COL4A4: variants seen among roughly 807,000 people sequenced by gnomAD.
The protein encoded by COL4A4 is collagen alpha-4(IV) chain.
Under a neutral mutation model 192.9 loss-of-function variants are expected in COL4A4, and 105 were observed. The ratio of observed to expected loss-of-function variants is 0.54; its 90% CI spans 0.46 to 0.64. COL4A4 has a LOEUF of 0.64. Among genes scored for constraint, COL4A4 ranks in the 30% least tolerant of loss-of-function variants. The pLI is 0.00. For synonymous variants in COL4A4, 762 were observed against 769.9 expected, an observed-to-expected ratio of 0.99 and a Z score of 0.17; for missense variants, 1,967 against 2,169.3, an observed-to-expected ratio of 0.91 and a Z score of 1.85.
chr2:226,986,004 C>T, the COL4A4 span, among the ~76,000 whole-genome samples: 2 of 152,228 alleles, frequency 1.3e-5, no homozygotes, highest in Admixed American at 6.5e-5. Context: ...GTTAATGTCA[C>T]CAGTGATAAG....
At chr2:227,041,068 A>G (rs913757561) in intron 37 of COL4A4, among the ~76,000 whole-genome samples, 2 of 152,150 alleles carry the variant, frequency 1.3e-5, no homozygotes, top group African/African-American at 4.8e-5. Context: ...TCTTGATCGA[A>G]AAAAGATGAT....
In COL4A4 at chr2:227,043,169, GATGCTCCAAA is replaced by G; in HGVS notation, c.3295_3304del (p.Phe1099ProfsTer39). On this transcript the variant is annotated frameshift_variant, in exon 36 of 48. Coordinates refer to ENST00000396625, the MANE Select transcript of COL4A4 (RefSeq NM_000092.5). LOFTEE classifies it high-confidence loss of function. Reference sequence around the variant, plus strand: ...AATACCAGGCAAGCCCTGCTCTCCGGATGCTCCAAAATGCCCTAAAGAAGGAAAGATCAAA... The same window carrying G: ...AATACCAGGCAAGCCCTGCTCTCCGGATGCCCTAAAGAAGGAAAGATCAAA... 6.2e-7 allele frequency: 1 copy of G among 1,614,108 alleles called. No individual in the cohort carries two copies. Among genetic ancestry groups the G allele is most frequent in the Non-Finnish European group, 8.5e-7 (1 of 1,179,970 alleles).
chr2:227,035,602 CT>C (rs1969489790), intron 37 of COL4A4, among the ~76,000 whole-genome samples: 1 of 151,464 alleles, frequency 6.6e-6, no homozygotes, highest in South Asian at 2.1e-4. Flanking sequence ...TTTTACAGTT[CT>C]GGCTTAGTTT....
rs1469022535 is a variant in COL4A4 at position 227,094,212 on chromosome 2, G to T, written c.1282C>A (p.Pro428Thr). The change falls in exon 20 of 48, where the codon CCT (proline) becomes ACT (threonine). Residue 428 changes from proline (P) to threonine (T), a missense_variant. Physicochemically the swap from Pro to Thr is conservative, Grantham distance 38. Coordinates refer to ENST00000396625, the MANE Select transcript of COL4A4 (RefSeq NM_000092.5). ...LPGEAGIPGR[P>T]DSAPGKPGKP... is the part of the protein sequence containing the mutation. ...CCTGGTTTTCCTGGAGCAGAATCAG[G>T]TCTCCCAGGAATACCAGCTTCTCCT... 2 of 1,613,734 alleles carry T rather than the reference G, an allele frequency of 1.2e-6. No individual in the cohort carries two copies. Among genetic ancestry groups the T allele is most frequent in the Non-Finnish European group, 1.7e-6 (2 of 1,179,890 alleles).
At chr2:227,141,225 T>C (rs1489164129) in intron 3 of COL4A4, among the ~76,000 whole-genome samples, 1 of 152,250 alleles carries the variant, frequency 6.6e-6, no homozygotes, top group Non-Finnish European at 1.5e-5. Context: ...AAGGTTTGCC[T>C]GGCTCATGAT....
the COL4A4 span, among the ~76,000 whole-genome samples, chr2:226,983,271 C>T: frequency 6.6e-6 from 1 of 152,010 alleles, no homozygotes; most frequent in East Asian, 1.9e-4. Context: ...AGCTCCCCGA[C>T]GTGGATTTGA....
chr2:227,042,650 G>A (rs998819425), intron 36 of COL4A4, among the ~76,000 whole-genome samples: 4 of 152,176 alleles, frequency 2.6e-5, no homozygotes, highest in African/African-American at 9.7e-5. Flanking sequence ...GCCAGACACA[G>A]TGGCTCATGC....
chr2:227,106,559 CTTATT>C (rs373207978), intron 12 of COL4A4, among the ~76,000 whole-genome samples: 14,932 of 44,738 alleles, frequency 0.33, 1,571 homozygotes, highest in African/African-American at 0.48. Context: ...AATATTTTAT[CTTATT>C]TTATTTATTT....
At position 227,073,676 on chromosome 2, in the gene COL4A4, T is replaced by C. The variant is rs181935662; in HGVS notation, c.1987+4218A>G. ...CAAGGCTTTAGTTACCAAAACAGCA[T>C]GGTACTGTTGTAAAAGTAGGCACAT... On this transcript the variant is annotated intron_variant, in intron 25 of 47. Coordinates refer to ENST00000396625, the MANE Select transcript of COL4A4 (RefSeq NM_000092.5). Among the ~76,000 whole-genome samples, 3 of 152,280 alleles carry C rather than the reference T, an allele frequency of 2.0e-5. No individual in the cohort carries two copies. In the East Asian group the frequency reaches 5.8e-4, roughly 29 times the overall value.
At chr2:227,104,708 T>G (rs1229271022) in intron 12 of COL4A4, among the ~76,000 whole-genome samples, 1 of 139,420 alleles carries the variant, frequency 7.2e-6, no homozygotes, top group South Asian at 2.4e-4. Flanking sequence ...TGACGCGATC[T>G]CGGCTCACAG....
intron 17 of COL4A4, among the ~76,000 whole-genome samples, chr2:227,100,207 G>A (rs2060429680): frequency 6.6e-6 from 1 of 152,166 alleles, no homozygotes; most frequent in Non-Finnish European, 1.5e-5. Context: ...AAGAAAAAAT[G>A]CAGTGGTGTT....
At chr2:227,160,410 G>T (rs549788928) in intron 1 of COL4A4, among the ~76,000 whole-genome samples, 1 of 152,244 alleles carries the variant, frequency 6.6e-6, no homozygotes, top group South Asian at 2.1e-4. Flanking sequence ...AGTAGAAGTA[G>T]CCTGTGTCAC....
At position 227,111,510 on chromosome 2, in the gene COL4A4, T is replaced by C. The variant is rs4519512; in HGVS notation, c.594+168A>G. 0.19 allele frequency among the ~76,000 whole-genome samples: 28,756 copies of C among 152,032 alleles called. 4,282 individuals carry two copies. Among genetic ancestry groups the C allele is most frequent in the African/African-American group, 0.41 (16,810 of 41,370 alleles). On this transcript the variant is annotated intron_variant, in intron 9 of 47. Transcript: ENST00000396625. ...ACAGGGCCCCATGCTTCATGTTCTG[T>C]GGTCGCCATCTTGAAATGCTTAATA...
At chr2:226,973,550 A>T in the COL4A4 span, among the ~76,000 whole-genome samples, 101 of 152,344 alleles carry the variant, frequency 6.6e-4, no homozygotes, top group African/African-American at 2.2e-3. Context: ...TCATAAAATG[A>T]TTCCTAGATG....
intron 3 of COL4A4, among the ~76,000 whole-genome samples, chr2:227,143,956 G>A (rs769409021): frequency 6.6e-6 from 1 of 152,228 alleles, no homozygotes; most frequent in African/African-American, 2.4e-5. Flanking sequence ...ACAATAACTT[G>A]ATTCACTGAA....
At chr2:227,074,118 C>T (rs1371384813) in intron 25 of COL4A4, among the ~76,000 whole-genome samples, 1 of 151,960 alleles carries the variant, frequency 6.6e-6, no homozygotes, top group African/African-American at 2.4e-5. Flanking sequence ...CAGAAACCCA[C>T]AGAATGGGAG....
the COL4A4 span, among the ~76,000 whole-genome samples, chr2:226,976,294 C>G: frequency 1.4e-5 from 2 of 147,454 alleles, no homozygotes; most frequent in Non-Finnish European, 3.0e-5. Context: ...TATGCCCACC[C>G]CCCTGGAGAC....
chr2:227,078,765 T>C (rs2059169282), intron 24 of COL4A4, among the ~76,000 whole-genome samples: 1 of 152,214 alleles, frequency 6.6e-6, no homozygotes, highest in Non-Finnish European at 1.5e-5. Context: ...GATACATAGC[T>C]AGACTCCATC....
chr2:227,047,731 C>CCCCACACA (rs146752317), intron 34 of COL4A4, among the ~76,000 whole-genome samples, 182 bp from the exon 35 acceptor site: 1 of 146,228 alleles, frequency 6.8e-6, no homozygotes, highest in African/African-American at 2.5e-5. Flanking sequence ...AATTTACATA[C>CCCCACACA]CACACACACA....
Sources: allele counts gnomAD v4.1 joint callset (sites outside exome capture counted in the v4.1 genomes callset), GRCh38; gene constraint gnomAD v4.1.1; transcripts MANE v1.5; gene names NCBI Gene and HGNC (gene_info 2026-07-23, HGNC 2026-07-21).